OR3A2: variants seen among roughly 807,000 people sequenced by gnomAD.
OR3A2 encodes olfactory receptor family 3 subfamily A member 2, also known as olfactory receptor 3A2.
For missense variants in OR3A2, 318 were observed against 392.8 expected (o/e 0.81, Z 1.61); for synonymous variants, 126 against 159.3 (o/e 0.79, Z 1.57).
chr17:3,375,009 G>A (rs1349445077), intron 2 of OR3A2, among the ~76,000 whole-genome samples: 2 of 151,706 alleles, frequency 1.3e-5, no homozygotes, highest in Non-Finnish European at 2.9e-5. Context: ...GGTCTCCAGA[G>A]AATTTTTCAT....
intron 2 of OR3A2, among the ~76,000 whole-genome samples, chr17:3,342,782 C>G (rs1159606972): frequency 6.6e-6 from 1 of 152,338 alleles, no homozygotes; most frequent in Non-Finnish European, 1.5e-5. Flanking sequence ...AGAGCTCAAA[C>G]ACCATGATGG....
chr17:3,383,759 G>A (rs1386266002), intron 2 of OR3A2: 1 of 152,136 alleles, frequency 6.6e-6, no homozygotes, highest in Non-Finnish European at 1.5e-5. Context: ...GGGTGACAAT[G>A]ATAGAGAAGC....
At chr17:3,276,680 T>C (rs1224723292), downstream of OR3A2, among the ~76,000 whole-genome samples, 1 of 152,176 alleles carries the variant, frequency 6.6e-6, no homozygotes, top group Non-Finnish European at 1.5e-5. Context: ...GAAGGTTATA[T>C]TGGATATTCT....
chr17:3,343,084 T>C (rs1325359847), intron 2 of OR3A2, among the ~76,000 whole-genome samples: 1 of 152,220 alleles, frequency 6.6e-6, no homozygotes, highest in Non-Finnish European at 1.5e-5. Context: ...TATAATCTCC[T>C]GGTGTGCCAT....
intron 2 of OR3A2, among the ~76,000 whole-genome samples, chr17:3,359,577 T>C (rs1275081793): frequency 6.6e-6 from 1 of 151,738 alleles, no homozygotes; most frequent in African/African-American, 2.4e-5. Context: ...AGATTATTTT[T>C]CTCTAAGAAT....
intron 3 of OR3A2, among the ~76,000 whole-genome samples, chr17:3,302,393 G>T (rs950316493): frequency 1.3e-5 from 2 of 152,156 alleles, no homozygotes; most frequent in African/African-American, 2.4e-5. Flanking sequence ...TACCAAAACA[G>T]ATATATAGAC....
At chr17:3,286,235 G>T (rs1445653915), upstream of OR3A2, among the ~76,000 whole-genome samples, 1 of 152,180 alleles carries the variant, frequency 6.6e-6, no homozygotes, top group Non-Finnish European at 1.5e-5. Context: ...TCCCTGCAAA[G>T]GTCATGAACT....
intron 2 of OR3A2, among the ~76,000 whole-genome samples, chr17:3,348,849 C>A (rs1435652573): frequency 2.6e-5 from 4 of 152,072 alleles, no homozygotes; most frequent in South Asian, 2.1e-4. Context: ...GAAACTCTAC[C>A]AGCCAGAAGA....
intron 3 of OR3A2, among the ~76,000 whole-genome samples, chr17:3,307,822 T>C (rs9908314): frequency 0.19 from 28,737 of 152,064 alleles, 4,273 homozygotes; most frequent in African/African-American, 0.41. Context: ...AATCCTGACC[T>C]AGGCTCTGGC....
intron 2 of OR3A2, among the ~76,000 whole-genome samples, chr17:3,348,714 A>G (rs952492945): frequency 2.0e-5 from 3 of 152,104 alleles, no homozygotes; most frequent in African/African-American, 7.2e-5. Flanking sequence ...GAGCAACTCC[A>G]AAATACATAA....
At chr17:3,294,626 A>G (rs1229847205) in intron 3 of OR3A2, among the ~76,000 whole-genome samples, 3 of 152,214 alleles carry the variant, frequency 2.0e-5, no homozygotes, top group Non-Finnish European at 4.4e-5. Context: ...GCATTGTTAC[A>G]TACCACTGGA....
intron 3 of OR3A2, among the ~76,000 whole-genome samples, chr17:3,321,083 G>A (rs1018102416): frequency 6.6e-6 from 1 of 152,080 alleles, no homozygotes; most frequent in African/African-American, 2.4e-5. Context: ...TCTCCTTGAA[G>A]AGGTCCTTCA....
At chr17:3,343,751 A>G (rs983813549) in intron 2 of OR3A2, among the ~76,000 whole-genome samples, 1 of 152,142 alleles carries the variant, frequency 6.6e-6, no homozygotes, top group South Asian at 2.1e-4. Flanking sequence ...GCTTAGTGTC[A>G]TATCAACCTA....
At chr17:3,374,806 T>G (rs535794672) in intron 2 of OR3A2, among the ~76,000 whole-genome samples, 1 of 152,302 alleles carries the variant, frequency 6.6e-6, no homozygotes, top group East Asian at 1.9e-4. Context: ...GGTGCACTCA[T>G]CACTCAAACA....
intron 2 of OR3A2, among the ~76,000 whole-genome samples, chr17:3,357,680 A>G (rs2049474966): frequency 6.6e-6 from 1 of 151,442 alleles, no homozygotes; most frequent in Non-Finnish European, 1.5e-5. Flanking sequence ...GTGCCAGTGA[A>G]CTGTACACTT....
intron 2 of OR3A2, among the ~76,000 whole-genome samples, chr17:3,344,818 C>A (rs1380796342): frequency 6.6e-6 from 1 of 152,122 alleles, no homozygotes; most frequent in Admixed American, 6.6e-5. Context: ...TTGATCCAAC[C>A]AAAGTGAATC....
intron 3 of OR3A2, chr17:3,310,361 G>A (rs749027952): frequency 1.1e-5 from 6 of 534,642 alleles, no homozygotes; most frequent in Admixed American, 5.8e-5. Flanking sequence ...AGTTTGTCCT[G>A]CTGGGCCTCA....
Position 3,342,469 on chromosome 17 carries a change from G to A in OR3A2, c.-178-6343C>T, listed in dbSNP as rs182490168. ...GGGTTTTGGTGTGGATGTCCTTTTT[G>A]TTGATGTTGATGCTATTCCTTTCTG... On this transcript the variant is annotated intron_variant, in intron 2 of 4. Coordinates refer to the OR3A2 transcript ENST00000573491. Among the ~76,000 whole-genome samples the A allele has an allele frequency of 1.7e-3, 265 of 152,238 alleles. 1 individual carries two copies. Among genetic ancestry groups the A allele is most frequent in the African/African-American group, 5.8e-3 (240 of 41,548 alleles).
rs751073536 is a variant in OR3A2 at position 3,278,233 on chromosome 17, G to C, written c.685C>G (p.Leu229Val). ...CGGCCCTCCACTGAACGGATTCGTA[G>C]AACTGCAGCTGCCACGTGGCTGTAG... The change falls in exon 2 of 2, where the codon CTA becomes GTA. Residue 229 changes from leucine (L) to valine (V), a missense_variant. Coordinates refer to ENST00000642052, the Ensembl canonical transcript of OR3A2. 1.6e-5 allele frequency: 26 copies of C among 1,614,206 alleles called. 1 individual carries two copies. In the East Asian group the frequency reaches 5.8e-4, roughly 36 times the overall value.
Sources: allele counts gnomAD v4.1 joint callset (sites outside exome capture counted in the v4.1 genomes callset), GRCh38; gene constraint gnomAD v4.1.1; transcripts MANE v1.5; gene names NCBI Gene and HGNC (gene_info 2026-07-23, HGNC 2026-07-21).